The following PSME4 variants were observed in gnomAD, a reference collection of about 807,000 sequenced individuals.
The protein encoded by PSME4 is proteasome activator complex subunit 4.
Under a neutral mutation model 253.9 loss-of-function variants are expected in PSME4, and 89 were observed. The observed-to-expected ratio is 0.35, with a 90% CI of 0.30 to 0.42. PSME4 has a LOEUF of 0.42. PSME4 is among the 10% of genes least tolerant of loss of function. PSME4 has a pLI of 1.00. For synonymous variants in PSME4, 851 were observed against 759.2 expected (o/e 1.12, Z -1.99); for missense variants, 2,014 against 2,195.2 (o/e 0.92, Z 1.65).
chr2:53,901,211 G>A (rs1680383733), intron 28 of PSME4, 139 bp downstream of exon 28: 2 of 770,582 alleles, frequency 2.6e-6, no homozygotes, highest in Non-Finnish European at 4.1e-6. Flanking sequence ...AAGCAAACAG[G>A]TAACAAACGC....
chr2:53,967,785 A>G (rs1453511939), intron 1 of PSME4, among the ~76,000 whole-genome samples: 2 of 151,920 alleles, frequency 1.3e-5, no homozygotes, highest in Non-Finnish European at 2.9e-5. Context: ...TCTGATCAGC[A>G]AGATAGTCCC....
chr2:53,869,057 A>G (rs889317398), intron 44 of PSME4, among the ~76,000 whole-genome samples: 1 of 152,198 alleles, frequency 6.6e-6, no homozygotes, highest in African/African-American at 2.4e-5. Flanking sequence ...ATTCCAAAAC[A>G]GGTTTTTCAG....
chr2:53,898,633 G>GTA (rs202043988), intron 29 of PSME4, among the ~76,000 whole-genome samples: 12,254 of 142,426 alleles, frequency 0.086, 596 homozygotes, highest in East Asian at 0.19. Flanking sequence ...ATTGGGAGTG[G>GTA]CACACACACA....
chr2:53,949,090 A>C (rs1333942475), intron 2 of PSME4, 53 bp downstream of exon 2: 1 of 1,492,288 alleles, frequency 6.7e-7, no homozygotes, highest in Non-Finnish European at 8.9e-7. Flanking sequence ...TCATTCCCTA[A>C]AACCCTGAAG....
rs1303073666 is a variant in PSME4 at position 53,919,020 on chromosome 2, AC to A, written c.2516+130del. The A allele has an allele frequency of 4.9e-6, 4 of 822,508 alleles. No homozygotes were observed. The Admixed American group carries it at 1.3e-4, about 27-fold the overall frequency. 51.0% of individuals were successfully genotyped at this position (822,508 alleles called of 1,614,324 possible). Reference sequence around the variant, plus strand: ...CTAAATTGTACCTCTGGTATTTTTGACCTTAACAGTGACAAATAAAAAGGTT... The same window carrying A: ...CTAAATTGTACCTCTGGTATTTTTGACTTAACAGTGACAAATAAAAAGGTT... On this transcript the variant is annotated intron_variant, in intron 20 of 46. Coordinates refer to ENST00000404125, the MANE Select transcript of PSME4 (RefSeq NM_014614.3).
chr2:53,949,246 C>T lies in PSME4; in HGVS notation c.280G>A (p.Asp94Asn), dbSNP rs1372694452. The change falls in exon 2 of 47, where the codon GAT becomes AAT. Residue 94 changes from aspartate (D) to asparagine (N), a missense_variant. Asp to Asn is a conservative substitution (Grantham distance 23). Transcript: ENST00000404125. ...AATAACTTAATAAAAAGAACATGAT[C>T]TTCTTTGCTAAATTTTCTCCCATAA... Reference protein sequence around the residue: ...RLYGRKFSKEDHVLFIKLLYE... With the variant: ...RLYGRKFSKENHVLFIKLLYE... The T allele has an allele frequency of 2.5e-6, 4 of 1,606,364 alleles. No homozygotes were observed. The East Asian group carries it at 8.9e-5, about 36-fold the overall frequency.
rs756340423 is a variant in PSME4, at chr2:53,937,545, T to TA, written c.546-6dup. On this transcript the variant is annotated splice_region_variant and splice_polypyrimidine_tract_variant and intron_variant, in intron 4 of 46. Coordinates refer to ENST00000404125, the MANE Select transcript of PSME4 (RefSeq NM_014614.3). ...GTGGCATCTGCTGGAAAATATCTAA[T>TA]AAAAAAAGAAGGTTTTCATGTATCT... 4 of 1,607,794 alleles carry TA rather than the reference T, an allele frequency of 2.5e-6. No individual in the cohort carries two copies. Among genetic ancestry groups the TA allele is most frequent in the South Asian group, 1.1e-5 (1 of 90,010 alleles).
chr2:53,970,268 C>G (rs377178192), intron 1 of PSME4, among the ~76,000 whole-genome samples: 42 of 152,290 alleles, frequency 2.8e-4, no homozygotes, highest in African/African-American at 9.9e-4. Context: ...CCCAGGGCCC[C>G]CCAGGTGGGA....
rs747671144 is a variant in PSME4 at position 53,920,200 on chromosome 2, T to C, written c.2413A>G (p.Met805Val). Residue 805 changes from methionine (M) to valine (V), a missense_variant, in exon 19 of 47, where the codon ATG (methionine) becomes GTG (valine). Met to Val is a conservative substitution (Grantham distance 21). Transcript: ENST00000404125. Reference sequence around the variant, plus strand: ...TTATAAAATAAAACCAACCTAGACATTTCAAGTTTTCCATCCCCACAATGC... The same window carrying C: ...TTATAAAATAAAACCAACCTAGACACTTCAAGTTTTCCATCCCCACAATGC... ...LQHCGDGKLE[M>V]SRDDILQSLT... 4 of 1,607,048 alleles carry C rather than the reference T, an allele frequency of 2.5e-6. No homozygotes were observed. The South Asian group carries it at 3.3e-5, about 13-fold the overall frequency.
At chr2:53,867,815 C>T (rs990701867) in intron 44 of PSME4, among the ~76,000 whole-genome samples, 4 of 151,238 alleles carry the variant, frequency 2.6e-5, no homozygotes, top group African/African-American at 7.3e-5. Flanking sequence ...CTGGATGTGA[C>T]GCCCCTACCC....
chr2:53,954,700 G>A (rs933544667), intron 1 of PSME4, among the ~76,000 whole-genome samples: 2 of 152,016 alleles, frequency 1.3e-5, no homozygotes, highest in East Asian at 1.9e-4. Context: ...AATTAGCTGG[G>A]CGTAGTGGCA....
chr2:53,926,045 A>T, intron 12 of PSME4, 22 bp from the exon 13 acceptor site: 1 of 1,587,640 alleles, frequency 6.3e-7, no homozygotes, highest in South Asian at 1.1e-5. Flanking sequence ...CAATATGGAG[A>T]AAGATTACAT....
intron 32 of PSME4, 56 bp from the exon 33 acceptor site, chr2:53,895,792 T>C: frequency 1.4e-6 from 2 of 1,460,610 alleles, no homozygotes; most frequent in Non-Finnish European, 1.8e-6. Context: ...CAACAATTAT[T>C]ACCAAATTTC....
chr2:53,919,227 G>T lies in PSME4; in HGVS notation c.2440C>A (p.Leu814Met). 1 of 1,596,244 alleles carries T rather than the reference G, an allele frequency of 6.3e-7. No homozygotes were observed. Among genetic ancestry groups the T allele is most frequent in the South Asian group, 1.1e-5 (1 of 86,988 alleles). The change falls in exon 20 of 47, where the codon CTG (leucine) becomes ATG (methionine). Residue 814 changes from leucine (L) to methionine (M), a missense_variant. By Grantham distance (15) the Leu-to-Met change is conservative. Coordinates refer to ENST00000404125, the MANE Select transcript of PSME4 (RefSeq NM_014614.3). Reference sequence around the variant, plus strand: ...ATTAAACAGTTGTGCACTATAGTCAGACTCTGTAGAATATCATCTCTAGAA... The same window carrying T: ...ATTAAACAGTTGTGCACTATAGTCATACTCTGTAGAATATCATCTCTAGAA... The part of the protein sequence containing the change: ...EMSRDDILQS[L>M]TIVHNCLIGS...
chr2:53,888,026 C>G (rs766775122), intron 38 of PSME4, 37 bp from the exon 39 acceptor site: 16 of 1,575,006 alleles, frequency 1.0e-5, no homozygotes, highest in Non-Finnish European at 1.4e-5. Context: ...ATTGGAGGCC[C>G]TTTCTGCCTT....
Position 53,878,383 on chromosome 2 carries a change from T to C in PSME4, c.4816-2628A>G, listed in dbSNP as rs537989708. Among the ~76,000 whole-genome samples, 1,258 of 152,286 alleles carry C rather than the reference T, an allele frequency of 8.3e-3. 17 individuals are homozygous for C. The highest frequency in any genetic ancestry group is 9.6e-3 in the Non-Finnish European group (652 of 68,030). On this transcript the variant is annotated intron_variant, in intron 41 of 46. Transcript: ENST00000404125. Reference sequence around the variant, plus strand: ...TCGCCTCAGGACCCTGTGATAATTGTGTTAATTGCACAAATTGTTTAAACA... The same window carrying C: ...TCGCCTCAGGACCCTGTGATAATTGCGTTAATTGCACAAATTGTTTAAACA...
intron 35 of PSME4, 28 bp downstream of exon 35, chr2:53,893,646 A>C: frequency 6.2e-7 from 1 of 1,602,100 alleles, no homozygotes; most frequent in Non-Finnish European, 8.5e-7. Flanking sequence ...TAAGCATTAC[A>C]AAGAGGATAT....
chr2:53,955,714 G>C (rs1307768326), intron 1 of PSME4, among the ~76,000 whole-genome samples: 2 of 152,148 alleles, frequency 1.3e-5, no homozygotes, highest in Admixed American at 6.5e-5. Context: ...TCGAGTCCAG[G>C]AGTTTGAGAC....
intron 17 of PSME4, 57 bp downstream of exon 17, chr2:53,922,460 C>G (rs1338360974): frequency 1.9e-6 from 3 of 1,570,444 alleles, no homozygotes; most frequent in Admixed American, 1.8e-5. Flanking sequence ...GAGCTAAATC[C>G]TAAAAGCAAG....
Sources: gnomAD v4.1 joint callset for allele counts (sites outside exome capture counted in the v4.1 genomes callset) on GRCh38, gnomAD v4.1.1 for gene constraint, MANE v1.5 for transcripts, NCBI Gene and HGNC (gene_info 2026-07-23, HGNC 2026-07-21) for gene names.